The following GABRG3 variants were observed in gnomAD, a reference collection of about 807,000 sequenced individuals.
GABRG3 encodes the protein gamma-aminobutyric acid type A receptor subunit gamma3.
GABRG3 carries 25 observed loss-of-function variants against 48.8 expected under a neutral mutation model. That is an observed-to-expected ratio of 0.51 (90% CI 0.37 to 0.72). The LOEUF (loss-of-function observed/expected upper bound fraction) is 0.72. Ranked by LOEUF, GABRG3 falls within the 30% of genes least tolerant of loss-of-function variation. GABRG3 has a pLI of 0.00. For synonymous variants in GABRG3, 227 were observed against 217.6 expected (o/e 1.04, Z -0.38); for missense variants, 394 against 577.9 (o/e 0.68, Z 3.26).
chr15:27,190,152 A>C (rs1189535782), intron 3 of GABRG3, among the ~76,000 whole-genome samples: 1 of 152,152 alleles, frequency 6.6e-6, no homozygotes, highest in African/African-American at 2.4e-5. Flanking sequence ...GGATTTTTGC[A>C]TCAATGTTCA....
chr15:27,503,380 G>A (rs1890688800), intron 6 of GABRG3, among the ~76,000 whole-genome samples: 1 of 152,112 alleles, frequency 6.6e-6, no homozygotes, highest in South Asian at 2.1e-4. Flanking sequence ...CTCTCATTGA[G>A]ACCTTTTATA....
At chr15:27,451,394 G>C (rs1387104034) in intron 5 of GABRG3, among the ~76,000 whole-genome samples, 1 of 152,030 alleles carries the variant, frequency 6.6e-6, no homozygotes, top group African/African-American at 2.4e-5. Context: ...TGCATTTCTG[G>C]TCAATTAATT....
At chr15:27,240,717 C>A (rs1473382145) in intron 3 of GABRG3, among the ~76,000 whole-genome samples, 1 of 152,164 alleles carries the variant, frequency 6.6e-6, no homozygotes, top group Admixed American at 6.5e-5. Context: ...AGAACCCTGA[C>A]TTTAACATTT....
intron 6 of GABRG3, among the ~76,000 whole-genome samples, chr15:27,481,703 A>G (rs2150845398): frequency 6.6e-6 from 1 of 152,326 alleles, no homozygotes; most frequent in Non-Finnish European, 1.5e-5. Flanking sequence ...AGAAAAACAA[A>G]AGATTCTCTA....
chr15:27,284,979 C>G (rs970851946), intron 3 of GABRG3, among the ~76,000 whole-genome samples: 7 of 152,216 alleles, frequency 4.6e-5, no homozygotes, highest in African/African-American at 1.7e-4. Flanking sequence ...GGCTTTTAGT[C>G]TAATGCCTGT....
intron 3 of GABRG3, among the ~76,000 whole-genome samples, chr15:27,222,655 C>G (rs1889488948): frequency 1.3e-5 from 2 of 152,150 alleles, no homozygotes; most frequent in Non-Finnish European, 2.9e-5. Context: ...GAGAGGAGCT[C>G]TGTGCCCATG....
intron 2 of GABRG3, among the ~76,000 whole-genome samples, chr15:27,007,734 T>G (rs2140663883): frequency 6.6e-6 from 1 of 152,346 alleles, no homozygotes; most frequent in African/African-American, 2.4e-5. Context: ...TTTCATGTCC[T>G]TTACCCATTA....
chr15:27,370,062 A>G (rs1895355341), intron 5 of GABRG3, among the ~76,000 whole-genome samples: 1 of 152,188 alleles, frequency 6.6e-6, no homozygotes, highest in Admixed American at 6.5e-5. Context: ...GTTCTTGAAA[A>G]ACAAAGCCAT....
intron 3 of GABRG3, among the ~76,000 whole-genome samples, chr15:27,202,718 T>C (rs1888726576): frequency 6.6e-6 from 1 of 152,232 alleles, no homozygotes; most frequent in African/African-American, 2.4e-5. Flanking sequence ...GTGAATTGCC[T>C]ATCATATTCT....
chr15:27,023,455 T>A (rs537740345), intron 2 of GABRG3, among the ~76,000 whole-genome samples: 64 of 152,306 alleles, frequency 4.2e-4, no homozygotes, highest in African/African-American at 1.5e-3. Context: ...CTGTACCCAT[T>A]AAACAACTCC....
rs144093442 is a variant in GABRG3 at position 27,428,799 on chromosome 15, G to T, written c.575-51851G>T. 1.0e-3 allele frequency among the ~76,000 whole-genome samples: 152 copies of T among 152,172 alleles called. 3 individuals are homozygous for T. The East Asian group carries it at 0.029, about 29-fold the overall frequency. ...GGTATTAGGTGTCTTGAGTGAAAAAGCACACAAACAAACAAGAATCTGGAG... is the reference window on the plus strand; with the variant it reads ...GGTATTAGGTGTCTTGAGTGAAAAATCACACAAACAAACAAGAATCTGGAG... On this transcript the variant is annotated intron_variant, in intron 5 of 9. Coordinates refer to ENST00000615808, the MANE Select transcript of GABRG3 (RefSeq NM_033223.5).
At chr15:27,153,879 G>A (rs774939658) in intron 3 of GABRG3, among the ~76,000 whole-genome samples, 19 of 152,130 alleles carry the variant, frequency 1.2e-4, no homozygotes, top group Non-Finnish European at 1.8e-4. Context: ...ATTCTACTCC[G>A]ATGTTTGCTT....
chr15:27,396,665 C>T (rs930776094), intron 5 of GABRG3, among the ~76,000 whole-genome samples: 1 of 152,208 alleles, frequency 6.6e-6, no homozygotes, highest in African/African-American at 2.4e-5. Context: ...ATGTCTCACA[C>T]ACACAGACTT....
At chr15:27,476,478 G>A (rs1179243726) in intron 5 of GABRG3, among the ~76,000 whole-genome samples, 1 of 151,850 alleles carries the variant, frequency 6.6e-6, no homozygotes, top group Non-Finnish European at 1.5e-5. Context: ...GGTAGAAATT[G>A]TTAAAAAGAA....
At chr15:27,282,798 G>A (rs920263867) in intron 3 of GABRG3, among the ~76,000 whole-genome samples, 1 of 152,132 alleles carries the variant, frequency 6.6e-6, no homozygotes. Flanking sequence ...TAGCATGAGT[G>A]ATTTTCAATT....
At chr15:27,278,625 A>G (rs547067717) in intron 3 of GABRG3, among the ~76,000 whole-genome samples, 69 of 152,144 alleles carry the variant, frequency 4.5e-4, no homozygotes, top group Non-Finnish European at 7.3e-4. Flanking sequence ...GTGTATCAAT[A>G]GTTTGTTCCT....
At chr15:27,336,249 G>GAA (rs1566792033) in intron 5 of GABRG3, among the ~76,000 whole-genome samples, 13 of 137,120 alleles carry the variant, frequency 9.5e-5, no homozygotes, top group African/African-American at 4.0e-4. Context: ...AGAAAAGAAA[G>GAA]AAAGAAAAAG....
chr15:27,113,393 A>AT (rs369120579), intron 3 of GABRG3, among the ~76,000 whole-genome samples: 1 of 152,132 alleles, frequency 6.6e-6, no homozygotes, highest in African/African-American at 2.4e-5. Context: ...ATAGCCATGT[A>AT]TGTGACAAGT....
intron 3 of GABRG3, among the ~76,000 whole-genome samples, chr15:27,089,530 A>G (rs1372597414): frequency 1.3e-5 from 2 of 152,138 alleles, no homozygotes; most frequent in Non-Finnish European, 2.9e-5. Flanking sequence ...CAGAGTTGAA[A>G]GGCAGTTCGG....
Sources: allele counts gnomAD v4.1 joint callset (sites outside exome capture counted in the v4.1 genomes callset), GRCh38; gene constraint gnomAD v4.1.1; transcripts MANE v1.5; gene names NCBI Gene and HGNC (gene_info 2026-07-23, HGNC 2026-07-21).